Variants in NCOA2 observed in about 807,000 individuals in gnomAD.
NCOA2 encodes the protein class E basic helix-loop-helix protein 75.
Under a neutral mutation model 145.1 loss-of-function variants are expected in NCOA2, and 21 were observed. That is an observed-to-expected ratio of 0.14 (90% CI 0.10 to 0.21). The LOEUF is 0.21. NCOA2 is among the 10% of genes least tolerant of loss of function. NCOA2 has a pLI of 1.00. For synonymous variants in NCOA2, 619 were observed against 637.5 expected (o/e 0.97, Z 0.44); for missense variants, 1,472 against 1,837.6 (o/e 0.80, Z 3.64).
At position 70,128,759 on chromosome 8, in the gene NCOA2, C is replaced by A; in HGVS notation, c.3546G>T (p.Val1182=). The change falls in exon 17 of 23, where the codon GTG becomes GTT. Residue 1182 remains valine (V), a synonymous_variant. Transcript: ENST00000452400. ...PRPGLRPTGL[V]QNQPNQLRLQ... is the part of the protein sequence containing the mutation. ...GTCTTAGTTGATTTGGCTGGTTCTG[C>A]ACTAGGCCCGTGGGCCTGAGGCCCG... The A allele has an allele frequency of 6.2e-7, 1 of 1,614,034 alleles. No homozygotes were observed. Among genetic ancestry groups the A allele is most frequent in the Non-Finnish European group, 8.5e-7 (1 of 1,179,906 alleles).
At chr8:70,145,462 C>G (rs1810944805) in intron 12 of NCOA2, among the ~76,000 whole-genome samples, 1 of 151,884 alleles carries the variant, frequency 6.6e-6, no homozygotes, top group Non-Finnish European at 1.5e-5. Flanking sequence ...GTAGCTGGGA[C>G]TACAGCTGTG....
At position 70,327,766 on chromosome 8, in the gene NCOA2, G is replaced by A. The variant is rs144542505; in HGVS notation, c.-76-30966C>T. On this transcript the variant is annotated intron_variant, in intron 1 of 22. Transcript: ENST00000452400. ...GATTAAACACTGATGTATTAAGAGA[G>A]TTTTAAAAAAGCTGAATGTAGATAG... is the stretch of plus-strand genomic sequence containing the variant. Among the ~76,000 whole-genome samples, 428 of 152,268 alleles carry A rather than the reference G, an allele frequency of 2.8e-3. 1 individual carries two copies. Among genetic ancestry groups the A allele is most frequent in the Middle Eastern group, 0.024 (7 of 294 alleles).
At chr8:70,289,557 C>T (rs910952270) in intron 2 of NCOA2, among the ~76,000 whole-genome samples, 6 of 152,022 alleles carry the variant, frequency 3.9e-5, no homozygotes, top group Non-Finnish European at 8.8e-5. Context: ...TAACAAATTT[C>T]CAGACCATTA....
intron 2 of NCOA2, among the ~76,000 whole-genome samples, chr8:70,246,461 AACAG>A (rs1010339940): frequency 1.3e-5 from 2 of 152,162 alleles, no homozygotes; most frequent in Non-Finnish European, 2.9e-5. Context: ...ATCTGAAGTC[AACAG>A]AAATTTAAAC....
chr8:70,356,930 C>T (rs946407765), intron 1 of NCOA2, among the ~76,000 whole-genome samples: 1 of 152,160 alleles, frequency 6.6e-6, no homozygotes, highest in Admixed American at 6.5e-5. Flanking sequence ...CTTCTCCCTG[C>T]ATTTCATGTC....
chr8:70,232,639 C>G (rs908776763), intron 2 of NCOA2, among the ~76,000 whole-genome samples: 1 of 152,116 alleles, frequency 6.6e-6, no homozygotes, highest in African/African-American at 2.4e-5. Context: ...TTTCTATTCC[C>G]CTCCTCACCT....
the NCOA2 span, chr8:70,424,285 G>T: frequency 5.3e-6 from 2 of 375,060 alleles, no homozygotes; most frequent in Admixed American, 3.5e-5. Flanking sequence ...CAGATCATTC[G>T]CCAGGACCTG....
At chr8:70,193,064 TAAAAAAAAAAAAAA>T (rs397892713) in intron 4 of NCOA2, among the ~76,000 whole-genome samples, 1 of 86,574 alleles carries the variant, frequency 1.2e-5, no homozygotes, top group East Asian at 3.2e-4. Context: ...GAGACTCTAT[TAAAAAAAAAAAAAA>T]AAAAAAAAAT....
the NCOA2 span, among the ~76,000 whole-genome samples, chr8:70,431,827 T>C: frequency 1.3e-5 from 2 of 152,368 alleles, no homozygotes; most frequent in African/African-American, 2.4e-5. Flanking sequence ...TTGAAAGATA[T>C]GGCAGTGACC....
chr8:70,342,246 A>G (rs1808204252), intron 1 of NCOA2, among the ~76,000 whole-genome samples: 1 of 152,198 alleles, frequency 6.6e-6, no homozygotes, highest in Non-Finnish European at 1.5e-5. Context: ...TAACCACAAT[A>G]AGCAATCACT....
chr8:70,233,713 A>C (rs980606100), intron 2 of NCOA2, among the ~76,000 whole-genome samples: 3 of 152,162 alleles, frequency 2.0e-5, no homozygotes, highest in African/African-American at 7.2e-5. Flanking sequence ...GGCTTTCATG[A>C]CACAACAATC....
intron 2 of NCOA2, among the ~76,000 whole-genome samples, chr8:70,295,037 G>C (rs1168386331): frequency 6.6e-6 from 1 of 152,084 alleles, no homozygotes; most frequent in Non-Finnish European, 1.5e-5. Flanking sequence ...ATGGCAGAAA[G>C]AGAAGCAAAT....
rs1808253126 is a variant in NCOA2 at position 70,342,777 on chromosome 8, ACACACACAC to A, written c.-76-45986_-76-45978del. On this transcript the variant is annotated intron_variant, in intron 1 of 22. Transcript: ENST00000452400. Reference sequence around the variant, plus strand: ...CACACTTTTCTTCTTTTGCAATTACACACACACACACACACACACACACACACACACACA... The same window carrying A: ...CACACTTTTCTTCTTTTGCAATTACAACACACACACACACACACACACACA... Among the ~76,000 whole-genome samples the A allele has an allele frequency of 6.5e-3, 211 of 32,504 alleles. 7 individuals carry two copies. In the East Asian group the frequency reaches 0.13, roughly 21 times the overall value. The allele number at this position is 32,504 out of a possible 152,430, so 21.3% of individuals were successfully genotyped here. A position where few individuals can be genotyped will look rare whatever the true frequency, so the allele number is the denominator to read the frequency against.
At chr8:70,229,526 A>G (rs1284106546) in intron 2 of NCOA2, among the ~76,000 whole-genome samples, 1 of 152,182 alleles carries the variant, frequency 6.6e-6, no homozygotes, top group Non-Finnish European at 1.5e-5. Flanking sequence ...TACAGTTACT[A>G]AAGAGTGAGA....
At chr8:70,159,242 A>ATATAT in intron 10 of NCOA2, among the ~76,000 whole-genome samples, 11 of 61,078 alleles carry the variant, frequency 1.8e-4, no homozygotes, top group South Asian at 7.3e-4. Flanking sequence ...ATATATATAT[A>ATATAT]TTTTTTTTTT....
chr8:70,173,938 C>T (rs1814540604), intron 5 of NCOA2, among the ~76,000 whole-genome samples: 1 of 152,216 alleles, frequency 6.6e-6, no homozygotes, highest in Non-Finnish European at 1.5e-5. Context: ...GCTGATTCTA[C>T]AATGGCAGTG....
upstream of NCOA2, among the ~76,000 whole-genome samples, chr8:70,407,692 G>A (rs1814804301): frequency 6.6e-6 from 1 of 152,088 alleles, no homozygotes; most frequent in Admixed American, 6.6e-5. Flanking sequence ...AGCTACTTGG[G>A]AGGCTGAGGC....
At chr8:70,128,351 G>T in intron 18 of NCOA2, 82 bp downstream of exon 18, 1 of 1,219,416 alleles carries the variant, frequency 8.2e-7, no homozygotes, top group Non-Finnish European at 1.2e-6. Context: ...CGTCTACTAA[G>T]TTAACTTTCT....
intron 16 of NCOA2, among the ~76,000 whole-genome samples, chr8:70,131,174 C>G (rs1315345650): frequency 6.6e-6 from 1 of 150,666 alleles, no homozygotes; most frequent in Non-Finnish European, 1.5e-5. Flanking sequence ...CCACAACTGG[C>G]TGTGACATTT....
Sources: gnomAD v4.1 joint callset for allele counts (sites outside exome capture counted in the v4.1 genomes callset) on GRCh38, gnomAD v4.1.1 for gene constraint, MANE v1.5 for transcripts, NCBI Gene and HGNC (gene_info 2026-07-23, HGNC 2026-07-21) for gene names.